Variants in TIMELESS observed in about 807,000 individuals in gnomAD.
TIMELESS encodes protein timeless homolog.
A neutral mutation model predicts 164.3 loss-of-function variants in TIMELESS; 124 were observed. That is an observed-to-expected ratio of 0.75 (90% CI 0.65 to 0.88). The LOEUF is 0.88. Ranked by LOEUF, TIMELESS falls within the 40% of genes least tolerant of loss-of-function variation. The pLI is 0.00. For missense variants in TIMELESS, 1,422 were observed against 1,491.4 expected, an observed-to-expected ratio of 0.95 and a Z score of 0.77; for synonymous variants, 564 against 563.4, an observed-to-expected ratio of 1.00 and a Z score of -0.02.
At chr12:56,446,418 C>G (rs1339170045) in intron 1 of TIMELESS, among the ~76,000 whole-genome samples, 1 of 152,072 alleles carries the variant, frequency 6.6e-6, no homozygotes, top group Non-Finnish European at 1.5e-5. Flanking sequence ...TCAGTGACCT[C>G]CAGTGCCTAC....
chr12:56,431,729 T>C (rs1013738183), intron 7 of TIMELESS, 125 bp from the exon 8 acceptor site: 42 of 1,198,082 alleles, frequency 3.5e-5, no homozygotes, highest in Non-Finnish European at 4.4e-5. Flanking sequence ...GCTGTCGTTC[T>C]CCCTTATCTG....
chr12:56,422,647 T>C (rs536952133), intron 19 of TIMELESS, among the ~76,000 whole-genome samples, 200 bp downstream of exon 19: 16 of 152,270 alleles, frequency 1.1e-4, no homozygotes, highest in African/African-American at 3.1e-4. Context: ...AGATACACAC[T>C]AGACTTAGGC....
intron 26 of TIMELESS, among the ~76,000 whole-genome samples, chr12:56,420,048 A>ATATATATATGTG (rs1473074484): frequency 6.9e-5 from 6 of 87,336 alleles, no homozygotes; most frequent in African/African-American, 2.5e-4. Context: ...ATATATATAT[A>ATATATATATGTG]TGTGTGTGTG....
chr12:56,428,470 T>C, intron 12 of TIMELESS, 65 bp from the exon 13 acceptor site: 3 of 1,607,104 alleles, frequency 1.9e-6, no homozygotes, highest in Non-Finnish European at 2.6e-6. Flanking sequence ...GAGAGATGGA[T>C]GAAGCTGGGA....
At chr12:56,442,306 A>C (rs1450390619) in intron 1 of TIMELESS, among the ~76,000 whole-genome samples, 1 of 152,162 alleles carries the variant, frequency 6.6e-6, no homozygotes, top group African/African-American at 2.4e-5. Context: ...GCAGCTGGGA[A>C]TAGGATGGGC....
chr12:56,432,420 C>G lies in TIMELESS; in HGVS notation c.636G>C (p.Glu212Asp). The G allele has an allele frequency of 6.2e-7, 1 of 1,614,212 alleles. No individual in the cohort carries two copies. The highest frequency in any genetic ancestry group is 8.5e-7 in the Non-Finnish European group (1 of 1,180,032). Residue 212 changes from glutamate (E) to aspartate (D), a missense_variant, in exon 7 of 29, where the codon GAG becomes GAC. Transcript: ENST00000553532. The stretch of plus-strand genomic sequence containing the variant: ...TCTCTAGCACATGTAGGCTCCATTG[C>G]TCCTCAGCAGACGAGCTGGCCAGAA... ...LLFLASSSAE[E>D]QWSLHVLEIV...
rs1592243869 is a variant in TIMELESS, at chr12:56,421,354, G to C, written c.2865C>G (p.Ile955Met). The C allele has an allele frequency of 1.2e-6, 2 of 1,613,804 alleles. No homozygotes were observed. Among genetic ancestry groups the C allele is most frequent in the Non-Finnish European group, 1.7e-6 (2 of 1,179,828 alleles). ...KKRQKKLASS[I>M]LPNGAESLKD... ...AGAGCTAGGGTCAGATTGTTACCAAGATGGAGGATGCCAACTTTTTCTGCC... is the reference window on the plus strand; with the variant it reads ...AGAGCTAGGGTCAGATTGTTACCAACATGGAGGATGCCAACTTTTTCTGCC... The change falls in exon 23 of 29, where the codon ATC (isoleucine) becomes ATG (methionine). Residue 955 changes from isoleucine (I) to methionine (M), a missense_variant. Ile to Met is a conservative substitution (Grantham distance 10). Transcript: ENST00000553532.
At chr12:56,438,928 C>T (rs1200178724) in intron 1 of TIMELESS, among the ~76,000 whole-genome samples, 1 of 151,572 alleles carries the variant, frequency 6.6e-6, no homozygotes, top group African/African-American at 2.4e-5. Flanking sequence ...CTTTTGGAGG[C>T]CAAGGTGGGC....
At chr12:56,436,529 G>A (rs56381340) in intron 1 of TIMELESS, among the ~76,000 whole-genome samples, 1 of 152,176 alleles carries the variant, frequency 6.6e-6, no homozygotes, top group Admixed American at 6.5e-5. Flanking sequence ...GCGTAAGTTA[G>A]TTAAGGAAGT....
At chr12:56,428,193 C>G in intron 13 of TIMELESS, 43 bp downstream of exon 13, 2 of 1,522,234 alleles carry the variant, frequency 1.3e-6, no homozygotes, top group Non-Finnish European at 1.8e-6. Flanking sequence ...CCTTCCTTGA[C>G]TCTCCCTTAC....
intron 26 of TIMELESS, among the ~76,000 whole-genome samples, chr12:56,418,627 A>AAGTGCAGT (rs1427002946): frequency 6.7e-6 from 1 of 149,558 alleles, no homozygotes; most frequent in Non-Finnish European, 1.5e-5. Flanking sequence ...ACTCAGGCTG[A>AAGTGCAGT]AGTGCAGTGG....
chr12:56,421,223 C>A (rs1043530789), intron 23 of TIMELESS, 89 bp from the exon 24 acceptor site: 2 of 1,590,400 alleles, frequency 1.3e-6, no homozygotes, highest in Non-Finnish European at 1.7e-6. Flanking sequence ...CCGCACCCCC[C>A]CGCGCCTGCT....
chr12:56,422,402 G>A (rs981069592), intron 19 of TIMELESS, among the ~76,000 whole-genome samples: 1 of 152,136 alleles, frequency 6.6e-6, no homozygotes, highest in Non-Finnish European at 1.5e-5. Context: ...TTCCAGGTTG[G>A]GCCAATGGAA....
At chr12:56,426,153 T>G in intron 13 of TIMELESS, among the ~76,000 whole-genome samples, 1 of 152,280 alleles carries the variant, frequency 6.6e-6, no homozygotes, top group African/African-American at 2.4e-5. Context: ...CTTAACCACT[T>G]TGGGCACATG....
intron 17 of TIMELESS, 46 bp from the exon 18 acceptor site, chr12:56,423,521 T>C (rs751182741): frequency 2.5e-6 from 4 of 1,613,126 alleles, no homozygotes; most frequent in East Asian, 4.5e-5. Flanking sequence ...AAGGAAGACA[T>C]AGCTCATCCT....
rs1438309057 is a variant in TIMELESS at position 56,420,568 on chromosome 12, C to T, written c.3228+1G>A. 4 of 1,613,990 alleles carry T rather than the reference C, an allele frequency of 2.5e-6. No homozygotes were observed. The highest frequency in any genetic ancestry group is 3.4e-6 in the Non-Finnish European group (4 of 1,179,874). Reference sequence around the variant, plus strand: ...GTTGACACTGTAACTGACATATTTACCTGCCCAGAGGCAGGGGGCCGAACC... The same window carrying T: ...GTTGACACTGTAACTGACATATTTATCTGCCCAGAGGCAGGGGGCCGAACC... On this transcript the variant is annotated splice_donor_variant, in intron 26 of 28. Transcript: ENST00000553532. LOFTEE classifies it high-confidence loss of function.
intron 1 of TIMELESS, among the ~76,000 whole-genome samples, chr12:56,439,695 G>C (rs1383702022): frequency 6.6e-6 from 1 of 152,090 alleles, no homozygotes; most frequent in Admixed American, 6.5e-5. Context: ...ACCACACCTA[G>C]CCTGAATTGT....
chr12:56,431,179 C>T (rs1881865547), intron 8 of TIMELESS, among the ~76,000 whole-genome samples: 5 of 151,946 alleles, frequency 3.3e-5, no homozygotes. Flanking sequence ...CATGGTGAAA[C>T]CCTGTCTCTA....
chr12:56,443,673 C>T (rs528496931), intron 1 of TIMELESS, among the ~76,000 whole-genome samples: 1 of 152,282 alleles, frequency 6.6e-6, no homozygotes, highest in East Asian at 1.9e-4. Context: ...TTTTGCGGCT[C>T]AAGTCGCCAT....
Sources: gnomAD v4.1 joint callset for allele counts (sites outside exome capture counted in the v4.1 genomes callset) on GRCh38, gnomAD v4.1.1 for gene constraint, MANE v1.5 for transcripts, NCBI Gene and HGNC (gene_info 2026-07-23, HGNC 2026-07-21) for gene names.